Variants in SAMD12 observed in about 807,000 individuals in gnomAD.
SAMD12 encodes sterile alpha motif domain containing 12.
SAMD12 carries 9 observed loss-of-function variants against 15.0 expected under a neutral mutation model. That is an observed-to-expected ratio of 0.60 (90% CI 0.36 to 1.05). SAMD12 has a LOEUF of 1.05. SAMD12 is among the 50% of genes least tolerant of loss of function. SAMD12 has a pLI of 0.01. For missense variants in SAMD12, 230 were observed against 234.2 expected, an observed-to-expected ratio of 0.98 and a Z score of 0.12; for synonymous variants, 86 against 90.1, an observed-to-expected ratio of 0.96 and a Z score of 0.25.
At chr8:118,191,811 T>TAGAGAGAGAGAGAGAGAGAGAGAGAG (rs1187043376) in exon 5 of SAMD12, 1 of 8,154 alleles carries the variant, frequency 1.2e-4, no homozygotes, top group African/African-American at 2.7e-4. Context: ...TATATATATA[T>TAGAGAGAGAGAGAGAGAGAGAGAGAG]AGAGAGAGAG....
intron 4 of SAMD12, among the ~76,000 whole-genome samples, chr8:118,306,794 C>T (rs567841141): frequency 6.6e-6 from 1 of 152,304 alleles, no homozygotes; most frequent in South Asian, 2.1e-4. Context: ...GATGAACTTT[C>T]TGGTACCTTT....
At chr8:118,285,743 G>A (rs1563733067) in intron 4 of SAMD12, among the ~76,000 whole-genome samples, 1 of 152,158 alleles carries the variant, frequency 6.6e-6, no homozygotes, top group Admixed American at 6.5e-5. Flanking sequence ...TGGAGCTATT[G>A]AACAGACTGA....
intron 2 of SAMD12, among the ~76,000 whole-genome samples, chr8:118,524,214 A>T (rs1050283952): frequency 6.6e-6 from 1 of 152,044 alleles, no homozygotes; most frequent in Admixed American, 6.6e-5. Context: ...TTTCCCCTTG[A>T]CCACTCCACT....
intron 1 of SAMD12, among the ~76,000 whole-genome samples, chr8:118,587,207 A>G (rs1261862759): frequency 6.6e-6 from 1 of 152,234 alleles, no homozygotes; most frequent in African/African-American, 2.4e-5. Context: ...GCTTCTAGCT[A>G]AAGTTCCTGA....
intron 3 of SAMD12, among the ~76,000 whole-genome samples, chr8:118,426,818 G>C (rs538504367): frequency 6.6e-6 from 1 of 152,162 alleles, no homozygotes; most frequent in Admixed American, 6.5e-5. Flanking sequence ...TGAGTATTTT[G>C]TGTTAAAATT....
At chr8:118,449,805 A>C (rs112254689) in intron 2 of SAMD12, among the ~76,000 whole-genome samples, 3,401 of 150,184 alleles carry the variant, frequency 0.023, 134 homozygotes, top group African/African-American at 0.079. Flanking sequence ...TCTCAAAAAA[A>C]AAAAAAAAAA....
intron 2 of SAMD12, among the ~76,000 whole-genome samples, chr8:118,537,300 T>A (rs1825870916): frequency 6.6e-6 from 1 of 152,182 alleles, no homozygotes; most frequent in Non-Finnish European, 1.5e-5. Context: ...TTCTTGTACT[T>A]GAATATTGAT....
chr8:118,430,365 A>C (rs1822362635), intron 3 of SAMD12, among the ~76,000 whole-genome samples: 1 of 130,070 alleles, frequency 7.7e-6, no homozygotes, highest in South Asian at 2.6e-4. Context: ...ATCATTCTGT[A>C]ATTGCCTTTT....
chr8:118,543,084 A>G (rs963402310), intron 2 of SAMD12, among the ~76,000 whole-genome samples: 3 of 152,220 alleles, frequency 2.0e-5, no homozygotes, highest in East Asian at 1.9e-4. Flanking sequence ...AAAATGAAGG[A>G]AAAGGGGGTT....
intron 2 of SAMD12, among the ~76,000 whole-genome samples, chr8:118,466,984 T>C (rs756844282): frequency 2.6e-5 from 4 of 152,208 alleles, no homozygotes; most frequent in Non-Finnish European, 5.9e-5. Context: ...ATGTAATTCT[T>C]GGCTCACTTA....
At chr8:118,535,049 T>G (rs1586795941) in intron 2 of SAMD12, among the ~76,000 whole-genome samples, 1 of 62,348 alleles carries the variant, frequency 1.6e-5, no homozygotes, top group Admixed American at 2.1e-4. Context: ...AATTTTCAGC[T>G]TTTTGCTCTG....
chr8:118,313,734 A>G (rs1342892470), intron 4 of SAMD12, among the ~76,000 whole-genome samples: 1 of 152,054 alleles, frequency 6.6e-6, no homozygotes, highest in Non-Finnish European at 1.5e-5. Context: ...CTGTGATCCC[A>G]TTATTGCATT....
chr8:118,339,595 C>A (rs908309219), intron 4 of SAMD12, among the ~76,000 whole-genome samples: 1 of 152,162 alleles, frequency 6.6e-6, no homozygotes, highest in African/African-American at 2.4e-5. Flanking sequence ...GGCCTCGCTG[C>A]GTTTCTGTGG....
intron 4 of SAMD12, among the ~76,000 whole-genome samples, chr8:118,366,459 G>A (rs1406051133): frequency 6.6e-6 from 1 of 152,068 alleles, no homozygotes; most frequent in African/African-American, 2.4e-5. Flanking sequence ...CACTTAGTAG[G>A]TTCTCAATGT....
chr8:118,550,622 A>T (rs1197074327), intron 2 of SAMD12, among the ~76,000 whole-genome samples: 4 of 152,154 alleles, frequency 2.6e-5, no homozygotes, highest in African/African-American at 9.7e-5. Flanking sequence ...TACATCAACT[A>T]ACGAGCAAAA....
At chr8:118,403,973 A>G (rs1820994400) in intron 3 of SAMD12, among the ~76,000 whole-genome samples, 1 of 151,952 alleles carries the variant, frequency 6.6e-6, no homozygotes, top group South Asian at 2.1e-4. Context: ...TGCTTGATAG[A>G]TTTTTGGTAC....
intron 4 of SAMD12, among the ~76,000 whole-genome samples, chr8:118,242,894 T>C (rs1477528378): frequency 6.6e-6 from 1 of 152,158 alleles, no homozygotes; most frequent in Non-Finnish European, 1.5e-5. Context: ...ATTAGAAATC[T>C]GGATAATGCC....
At chr8:118,300,136 C>T (rs914436932) in intron 4 of SAMD12, among the ~76,000 whole-genome samples, 2 of 152,028 alleles carry the variant, frequency 1.3e-5, no homozygotes, top group African/African-American at 4.8e-5. Flanking sequence ...ATATCCATCA[C>T]CTCAATCATT....
chr8:118,340,135 G>T (rs1817277427), intron 4 of SAMD12, among the ~76,000 whole-genome samples: 1 of 152,164 alleles, frequency 6.6e-6, no homozygotes, highest in Non-Finnish European at 1.5e-5. Context: ...CATTTCATTT[G>T]CCCCACAGGC....
Sources: gnomAD v4.1 joint callset for allele counts (sites outside exome capture counted in the v4.1 genomes callset) on GRCh38, gnomAD v4.1.1 for gene constraint, MANE v1.5 for transcripts, NCBI Gene and HGNC (gene_info 2026-07-23, HGNC 2026-07-21) for gene names.